PHEX: variants seen among roughly 807,000 people sequenced by gnomAD.
The protein encoded by PHEX is phosphate regulating endopeptidase X-linked, also known as phosphate-regulating neutral endopeptidase PHEX.
PHEX carries 16 observed loss-of-function variants against 68.0 expected under a neutral mutation model. That is an observed-to-expected ratio of 0.24 (90% CI 0.16 to 0.36). The LOEUF is 0.36. PHEX is among the 10% of genes least tolerant of loss of function. The probability of loss-of-function intolerance (pLI) is 1.00; values close to 1 mark genes in which losing one functional copy is unlikely to be tolerated. For missense variants in PHEX, 480 were observed against 575.5 expected (o/e 0.83, Z 1.70); for synonymous variants, 208 against 205.1 (o/e 1.01, Z -0.12).
intron 12 of PHEX, among the ~76,000 whole-genome samples, chrX:22,156,325 C>T (rs973878229): frequency 3.6e-5 from 4 of 110,013 alleles, no homozygotes; most frequent in Non-Finnish European, 7.6e-5. Flanking sequence ...TTTTTATCCC[C>T]GGTGAGAGGA....
At chrX:22,148,443 A>G (rs1932766133) in intron 12 of PHEX, among the ~76,000 whole-genome samples, 1 of 112,120 alleles carries the variant, frequency 8.9e-6, no homozygotes, top group Admixed American at 9.5e-5. Flanking sequence ...CAATCAAACT[A>G]CTTAACATAT....
intron 13 of PHEX, chrX:22,171,517 C>T (rs983968468): frequency 1.8e-5 from 2 of 110,192 alleles, no homozygotes; most frequent in Non-Finnish European, 3.8e-5. Flanking sequence ...AACCTCAGCT[C>T]TGGAGTGGCA....
intron 15 of PHEX, among the ~76,000 whole-genome samples, chrX:22,200,086 A>G (rs923315464): frequency 1.6e-4 from 18 of 112,122 alleles, no homozygotes; most frequent in African/African-American, 5.8e-4. Flanking sequence ...CCATTATGCC[A>G]GGTACTTTAA....
chrX:22,113,225 C>T (rs5951498), intron 10 of PHEX, among the ~76,000 whole-genome samples: 24,030 of 110,874 alleles, frequency 0.22, 1,916 homozygotes, highest in African/African-American at 0.26. Flanking sequence ...ATTGAATTGC[C>T]GAAGAAGGTT....
At chrX:22,195,263 AAGATCGGC>A (rs1228431010) in intron 15 of PHEX, among the ~76,000 whole-genome samples, 1 of 111,904 alleles carries the variant, frequency 8.9e-6, no homozygotes, top group Non-Finnish European at 1.9e-5. Flanking sequence ...GCAAAATATA[AAGATCGGC>A]AGGGGGGATT....
At chrX:22,193,851 A>G (rs1204873821) in intron 15 of PHEX, among the ~76,000 whole-genome samples, 1 of 112,283 alleles carries the variant, frequency 8.9e-6, no homozygotes, top group African/African-American at 3.2e-5. Context: ...ATGTTTTCCA[A>G]AGCTGGTGTT....
chrX:22,081,300 T>G lies in PHEX; in HGVS notation c.663+3598T>G, dbSNP rs571128772. ...AGCCTCTTCAAGTGTGCCCCTCTGA[T>G]GCTGAGGTCCTGCGACTCCCATTCC... On this transcript the variant is annotated intron_variant, in intron 5 of 21. Transcript: ENST00000379374. Among the ~76,000 whole-genome samples, 33 of 111,216 alleles carry G rather than the reference T, an allele frequency of 3.0e-4. No homozygotes were observed. In the South Asian group the frequency reaches 0.013, roughly 42 times the overall value.
chrX:22,228,749 T>TTAAG (rs1215224607), intron 20 of PHEX, among the ~76,000 whole-genome samples: 1 of 107,283 alleles, frequency 9.3e-6, no homozygotes, highest in African/African-American at 3.4e-5. Flanking sequence ...AAATTATACT[T>TTAAG]TAAGTTCTGG....
intron 13 of PHEX, chrX:22,172,674 T>A (rs1314413729): frequency 1.8e-5 from 2 of 111,776 alleles, no homozygotes; most frequent in African/African-American, 3.2e-5. Context: ...GTGCCTCCTA[T>A]TTGCAGGAAG....
intron 14 of PHEX, among the ~76,000 whole-genome samples, chrX:22,184,154 C>T (rs953480038): frequency 2.7e-5 from 3 of 111,360 alleles, no homozygotes; most frequent in African/African-American, 9.8e-5. Context: ...TTTCCTCAGA[C>T]TATATGTCTA....
At chrX:22,077,766 T>A in intron 5 of PHEX, 64 bp downstream of exon 5, 1 of 813,300 alleles carries the variant, frequency 1.2e-6, no homozygotes, top group Non-Finnish European at 1.9e-6. Context: ...GGTGCCATCC[T>A]GGGGAAAGAG....
At chrX:22,121,050 A>T (rs1931464800) in intron 11 of PHEX, among the ~76,000 whole-genome samples, 1 of 111,893 alleles carries the variant, frequency 8.9e-6, no homozygotes, top group African/African-American at 3.2e-5. Flanking sequence ...CATATATCTC[A>T]TCTCTGCCAG....
chrX:22,233,607 T>TTGATACTTGTGTATGCTTCACAAAGTTC (rs1386805374), intron 20 of PHEX, among the ~76,000 whole-genome samples: 3 of 111,193 alleles, frequency 2.7e-5, no homozygotes, highest in Non-Finnish European at 3.8e-5. Flanking sequence ...AATTCGGCTA[T>TTGATACTTGTGTATGCTTCACAAAGTTC]TGATACTTGT....
chrX:22,218,991 G>T, intron 16 of PHEX, 45 bp from the exon 17 acceptor site: 1 of 895,195 alleles, frequency 1.1e-6, no homozygotes, highest in Non-Finnish European at 1.6e-6. Context: ...TATGCTCTGA[G>T]ATTCATGCTT....
chrX:22,124,176 T>A (rs1360501645), intron 11 of PHEX, among the ~76,000 whole-genome samples: 1 of 111,859 alleles, frequency 8.9e-6, no homozygotes, highest in African/African-American at 3.2e-5. Context: ...CTCTGCAGGC[T>A]AAATCTTGTT....
chrX:22,167,034 T>G (rs1051266370), intron 12 of PHEX, among the ~76,000 whole-genome samples: 2 of 112,363 alleles, frequency 1.8e-5, no homozygotes, highest in African/African-American at 6.5e-5. Context: ...ACTACATTTT[T>G]AATCCATTCC....
At chrX:22,040,768 T>C (rs1243391027) in intron 2 of PHEX, among the ~76,000 whole-genome samples, 2 of 110,178 alleles carry the variant, frequency 1.8e-5, no homozygotes, top group Non-Finnish European at 3.8e-5. Flanking sequence ...GGGACCCAAG[T>C]GCCAGTGAGT....
At chrX:22,194,653 A>G (rs1934305684) in intron 15 of PHEX, among the ~76,000 whole-genome samples, 2 of 112,585 alleles carry the variant, frequency 1.8e-5, no homozygotes, top group Non-Finnish European at 3.8e-5. Context: ...TCTGCACGCA[A>G]TAGAGACTTG....
chrX:22,219,581 A>G lies in PHEX; in HGVS notation c.1768+478A>G, dbSNP rs145809046. Reference sequence around the variant, plus strand: ...TCGAAGATTATGCAATGCTTAATCTATATTTTTCTCTATACTGGCTTATAT... The same window carrying G: ...TCGAAGATTATGCAATGCTTAATCTGTATTTTTCTCTATACTGGCTTATAT... On this transcript the variant is annotated intron_variant, in intron 17 of 21. Coordinates refer to ENST00000379374, the MANE Select transcript of PHEX (RefSeq NM_000444.6). Among the ~76,000 whole-genome samples the G allele has an allele frequency of 3.1e-3, 346 of 110,595 alleles. 3 individuals are homozygous for G. The highest frequency in any genetic ancestry group is 0.01 in the African/African-American group (311 of 30,015).
Sources: allele counts gnomAD v4.1 joint callset (sites outside exome capture counted in the v4.1 genomes callset), GRCh38; gene constraint gnomAD v4.1.1; transcripts MANE v1.5; gene names NCBI Gene and HGNC (gene_info 2026-07-23, HGNC 2026-07-21).